The following SNX29 variants were observed in gnomAD, a reference collection of about 807,000 sequenced individuals.
SNX29 encodes sorting nexin 29.
Under a neutral mutation model 102.1 loss-of-function variants are expected in SNX29, and 78 were observed. That is an observed-to-expected ratio of 0.76 (90% CI 0.64 to 0.92). SNX29 has a LOEUF of 0.92. Among genes scored for constraint, SNX29 ranks in the 40% least tolerant of loss-of-function variants. The pLI is 0.00. For synonymous variants in SNX29, 580 were observed against 414.5 expected (o/e 1.40, Z -4.85); for missense variants, 1,280 against 1,061.7 (o/e 1.21, Z -2.86).
chr16:12,426,768 C>T (rs1028894087), intron 18 of SNX29, among the ~76,000 whole-genome samples: 5 of 152,298 alleles, frequency 3.3e-5, no homozygotes, highest in African/African-American at 4.8e-5. Flanking sequence ...CGGGTTCAAG[C>T]GATTCTTGTG....
rs71139595 is a variant in SNX29 at position 12,461,978 on chromosome 16, AATATATATATATATAT to A, written c.2038-15722_2038-15707del. Among the ~76,000 whole-genome samples the A allele has an allele frequency of 4.8e-4, 13 of 27,354 alleles. No individual in the cohort carries two copies. The South Asian group carries it at 9.7e-3, about 20-fold the overall frequency. 17.9% of individuals were successfully genotyped at this position (27,354 alleles called of 152,430 possible). ...CTCAAAAAAAAAAAAAAAAAAAAAA[AATATATATATATATAT>A]ATATATATATATATATATGTATACA... is the stretch of plus-strand genomic sequence containing the variant. On this transcript the variant is annotated intron_variant, in intron 18 of 20. Transcript: ENST00000566228.
intron 19 of SNX29, among the ~76,000 whole-genome samples, chr16:12,513,632 C>T (rs1202506756): frequency 6.6e-6 from 1 of 152,210 alleles, no homozygotes. Flanking sequence ...CGCTGATTGG[C>T]CCAGATGGGA....
At chr16:12,565,956 A>G (rs777550492) in intron 20 of SNX29, among the ~76,000 whole-genome samples, 4 of 151,788 alleles carry the variant, frequency 2.6e-5, no homozygotes, top group South Asian at 2.1e-4. Context: ...CCCATCCTCA[A>G]TGACACTGTG....
At chr16:12,533,251 C>T (rs1048974881) in intron 20 of SNX29, among the ~76,000 whole-genome samples, 4 of 152,228 alleles carry the variant, frequency 2.6e-5, no homozygotes, top group African/African-American at 9.6e-5. Context: ...AGCTGATTCT[C>T]CTGTGGAGTG....
intron 20 of SNX29, among the ~76,000 whole-genome samples, chr16:12,540,082 C>G (rs981156174): frequency 3.3e-5 from 5 of 152,114 alleles, no homozygotes; most frequent in African/African-American, 4.8e-5. Context: ...TCATGTCTAC[C>G]AATTGTTAGC....
intron 18 of SNX29, among the ~76,000 whole-genome samples, chr16:12,433,352 C>T (rs896707958): frequency 2.0e-5 from 3 of 152,210 alleles, no homozygotes; most frequent in Admixed American, 1.3e-4. Flanking sequence ...AACGATTGGC[C>T]GGGCGCAGTG....
chr16:12,158,036 C>T (rs1490053801), intron 13 of SNX29, among the ~76,000 whole-genome samples: 1 of 151,852 alleles, frequency 6.6e-6, no homozygotes, highest in Non-Finnish European at 1.5e-5. Flanking sequence ...GTGCTAGGTA[C>T]AGTGACCAAC....
At chr16:12,488,045 A>G (rs1021071394) in intron 19 of SNX29, among the ~76,000 whole-genome samples, 14 of 152,322 alleles carry the variant, frequency 9.2e-5, no homozygotes, top group African/African-American at 3.4e-4. Context: ...GACTCAGAAT[A>G]TGTATGTGGA....
intron 15 of SNX29, among the ~76,000 whole-genome samples, chr16:12,294,257 C>A (rs1004522884): frequency 6.6e-6 from 1 of 152,184 alleles, no homozygotes; most frequent in African/African-American, 2.4e-5. Flanking sequence ...GTATGCATGG[C>A]TCCTGTCACC....
At chr16:12,522,393 ACTCTT>A (rs1231948235) in intron 19 of SNX29, among the ~76,000 whole-genome samples, 1 of 151,138 alleles carries the variant, frequency 6.6e-6, no homozygotes, top group Non-Finnish European at 1.5e-5. Context: ...CTTTGTGGGA[ACTCTT>A]CTCTTCTTTT....
At chr16:12,415,353 A>G (rs777268906) in intron 18 of SNX29, among the ~76,000 whole-genome samples, 8 of 152,250 alleles carry the variant, frequency 5.3e-5, no homozygotes, top group East Asian at 1.9e-4. Flanking sequence ...GTCTTGATCA[A>G]GATGCACTCA....
intron 11 of SNX29, chr16:12,088,158 A>G (rs2052309272): frequency 2.2e-6 from 1 of 456,242 alleles, no homozygotes. Context: ...CAGGCCTCAC[A>G]GTGTCACTGT....
At position 12,572,512 on chromosome 16, in the gene SNX29, C is replaced by G. The variant is rs1461815732; in HGVS notation, c.*3883C>G. 5 of 1,064,052 alleles carry G rather than the reference C, an allele frequency of 4.7e-6. No individual in the cohort carries two copies. Among genetic ancestry groups the G allele is most frequent in the Admixed American group, 5.3e-5 (1 of 18,696 alleles). The allele number at this position is 1,064,052 out of a possible 1,614,324, so 65.9% of individuals were successfully genotyped here. A position where few individuals can be genotyped will look rare whatever the true frequency, so the allele number is the denominator to read the frequency against. ...GTTCCAGGCCTCGGCCTTCCTGCTC[C>G]ACGTGCTCAAGCCCCCACAGGGGGC... On this transcript the variant is annotated 3_prime_UTR_variant, in exon 21 of 21. Transcript: ENST00000566228.
chr16:12,016,354 G>A (rs2056849522), intron 3 of SNX29, among the ~76,000 whole-genome samples: 1 of 152,058 alleles, frequency 6.6e-6, no homozygotes, highest in Non-Finnish European at 1.5e-5. Context: ...TCCAGGAGTT[G>A]GGTTGCTGAG....
At chr16:12,519,212 T>G (rs1165747151) in intron 19 of SNX29, among the ~76,000 whole-genome samples, 1 of 152,170 alleles carries the variant, frequency 6.6e-6, no homozygotes, top group Admixed American at 6.5e-5. Flanking sequence ...AAAACATACC[T>G]GTGGGTCACA....
chr16:12,565,693 A>C (rs770471256), intron 20 of SNX29, among the ~76,000 whole-genome samples: 2 of 151,838 alleles, frequency 1.3e-5, no homozygotes, highest in Non-Finnish European at 2.9e-5. Flanking sequence ...GCCTTCCAGG[A>C]AGGGGAAGCA....
intron 15 of SNX29, among the ~76,000 whole-genome samples, chr16:12,310,410 C>T (rs1276967446): frequency 3.9e-5 from 6 of 151,990 alleles, no homozygotes; most frequent in Non-Finnish European, 8.8e-5. Context: ...CTAGAAAAGG[C>T]CAAATGGCCA....
chr16:12,282,699 G>C (rs1050631185), intron 15 of SNX29, among the ~76,000 whole-genome samples: 1 of 152,002 alleles, frequency 6.6e-6, no homozygotes, highest in East Asian at 1.9e-4. Flanking sequence ...CTTTTTGCCC[G>C]GGCTGGAGTG....
In SNX29 at chr16:12,206,599, T is replaced by C. The variant is rs552199249; in HGVS notation, c.1678+6916T>C. On this transcript the variant is annotated intron_variant, in intron 14 of 20. Coordinates refer to ENST00000566228, the MANE Select transcript of SNX29 (RefSeq NM_032167.5). ...CCGCCTTCTCAGCCAGGTGTTCTCC[T>C]TGGGCTGGCAAGAGGTTGCCAGCAG... 6.6e-5 allele frequency among the ~76,000 whole-genome samples: 10 copies of C among 152,228 alleles called. No homozygotes were observed. The South Asian group carries it at 2.1e-3, about 32-fold the overall frequency.
Sources: allele counts gnomAD v4.1 joint callset (sites outside exome capture counted in the v4.1 genomes callset), GRCh38; gene constraint gnomAD v4.1.1; transcripts MANE v1.5; gene names NCBI Gene and HGNC (gene_info 2026-07-23, HGNC 2026-07-21).